EIF4H: variants seen among roughly 807,000 people sequenced by gnomAD.
The protein encoded by EIF4H is Williams-Beuren syndrome chromosome region 1.
A neutral mutation model predicts 30.6 loss-of-function variants in EIF4H; 8 were observed. The observed-to-expected ratio is 0.26, with a 90% CI of 0.15 to 0.47. The LOEUF (loss-of-function observed/expected upper bound fraction) is 0.47. Ranked by LOEUF, EIF4H falls within the 20% of genes least tolerant of loss-of-function variation. EIF4H has a pLI of 0.99. For synonymous variants in EIF4H, 106 were observed against 122.7 expected (o/e 0.86, Z 0.90); for missense variants, 188 against 339.5 (o/e 0.55, Z 3.51).
At chr7:74,180,660 T>C (rs1554708279) in intron 1 of EIF4H, among the ~76,000 whole-genome samples, 5 of 152,224 alleles carry the variant, frequency 3.3e-5, no homozygotes. Context: ...CACTGGAGCC[T>C]ATGAAGAAGA....
chr7:74,187,417 T>C (rs1243754193), intron 1 of EIF4H, among the ~76,000 whole-genome samples, 194 bp from the exon 2 acceptor site: 3 of 152,224 alleles, frequency 2.0e-5, no homozygotes, highest in Non-Finnish European at 2.9e-5. Context: ...GGTGACAGAG[T>C]GACAGTCTGT....
At chr7:74,175,831 A>G in intron 1 of EIF4H, among the ~76,000 whole-genome samples, 1 of 152,084 alleles carries the variant, frequency 6.6e-6, no homozygotes, top group East Asian at 1.9e-4. Flanking sequence ...GGACTACAAT[A>G]AGGTGACCTT....
chr7:74,178,972 A>AG (rs1240965586), intron 1 of EIF4H, among the ~76,000 whole-genome samples: 2 of 145,758 alleles, frequency 1.4e-5, no homozygotes, highest in Non-Finnish European at 2.9e-5. Context: ...GTTCAGGGCT[A>AG]GGGGGGCCGT....
intron 1 of EIF4H, among the ~76,000 whole-genome samples, chr7:74,177,864 C>T (rs1554707908): frequency 6.6e-6 from 1 of 152,216 alleles, no homozygotes; most frequent in African/African-American, 2.4e-5. Context: ...TTCATCAGTT[C>T]AGCCATGTGT....
intron 1 of EIF4H, among the ~76,000 whole-genome samples, chr7:74,185,277 G>A (rs1801056910): frequency 6.6e-6 from 1 of 152,208 alleles, no homozygotes; most frequent in Non-Finnish European, 1.5e-5. Flanking sequence ...ACAGGCATGA[G>A]CCACTGGGCC....
chr7:74,191,448 C>T (rs915576452), intron 5 of EIF4H, among the ~76,000 whole-genome samples: 3 of 152,180 alleles, frequency 2.0e-5, no homozygotes, highest in African/African-American at 4.8e-5. Context: ...ACAGTGAACA[C>T]GGCCATGGCC....
At chr7:74,180,091 G>A (rs932207132) in intron 1 of EIF4H, among the ~76,000 whole-genome samples, 7 of 152,102 alleles carry the variant, frequency 4.6e-5, no homozygotes, top group Non-Finnish European at 8.8e-5. Flanking sequence ...CACCTACTTG[G>A]GAGGCTGAGG....
rs35239215 is a variant in EIF4H at position 74,196,232 on chromosome 7, G to A, written c.*924G>A. 5.2e-5 allele frequency: 8 copies of A among 152,950 alleles called. No individual in the cohort carries two copies. The highest frequency in any genetic ancestry group is 9.6e-5 in the African/African-American group (4 of 41,470). The allele number at this position is 152,950 out of a possible 1,614,324, so 9.5% of individuals were successfully genotyped here. The stretch of plus-strand genomic sequence containing the variant: ...GCACTGGGCTGACTGCGGCGCTGAC[G>A]CAGCGTTTCCCCCCATCCCTGTTGC... On this transcript the variant is annotated 3_prime_UTR_variant, in exon 7 of 7. Transcript: ENST00000265753.
chr7:74,193,311 C>T (rs1418164810), intron 5 of EIF4H, among the ~76,000 whole-genome samples: 1 of 152,226 alleles, frequency 6.6e-6, no homozygotes, highest in Non-Finnish European at 1.5e-5. Context: ...TTTTCTGCCT[C>T]AGCTGGGATC....
intron 1 of EIF4H, among the ~76,000 whole-genome samples, chr7:74,184,746 G>T (rs1801044949): frequency 6.6e-6 from 1 of 151,946 alleles, no homozygotes; most frequent in Non-Finnish European, 1.5e-5. Flanking sequence ...TCGCTCTGTA[G>T]CCCAGGCTGA....
intron 1 of EIF4H, among the ~76,000 whole-genome samples, chr7:74,178,074 G>A (rs1245292083): frequency 6.6e-6 from 1 of 152,020 alleles, no homozygotes; most frequent in Non-Finnish European, 1.5e-5. Flanking sequence ...CCAAGTAGCT[G>A]GGATTACAGG....
At chr7:74,179,625 CTG>C (rs1417414263) in intron 1 of EIF4H, among the ~76,000 whole-genome samples, 2 of 74,916 alleles carry the variant, frequency 2.7e-5, no homozygotes, top group Non-Finnish European at 5.2e-5. Context: ...GGGTGAGACT[CTG>C]TATCAAAAAA....
At chr7:74,179,832 A>G (rs1554708187) in intron 1 of EIF4H, among the ~76,000 whole-genome samples, 1 of 152,202 alleles carries the variant, frequency 6.6e-6, no homozygotes, top group Non-Finnish European at 1.5e-5. Flanking sequence ...GTCTCTGAGT[A>G]TTGAAAGACT....
chr7:74,181,218 A>G (rs781856662), intron 1 of EIF4H, among the ~76,000 whole-genome samples: 1 of 152,118 alleles, frequency 6.6e-6, no homozygotes, highest in South Asian at 2.1e-4. Flanking sequence ...TGTTACATCT[A>G]TCTTCCCTAC....
intron 1 of EIF4H, among the ~76,000 whole-genome samples, chr7:74,184,295 C>G (rs1554708875): frequency 6.6e-6 from 1 of 152,182 alleles, no homozygotes; most frequent in Non-Finnish European, 1.5e-5. Context: ...CTGGCCTGAT[C>G]TCAGTTCCAC....
intron 1 of EIF4H, among the ~76,000 whole-genome samples, chr7:74,179,544 A>G (rs1800910912): frequency 6.6e-6 from 1 of 151,924 alleles, no homozygotes; most frequent in South Asian, 2.1e-4. Context: ...AAGCCATAGA[A>G]TCACTTGAAC....
In EIF4H at chr7:74,184,941, G is replaced by A. The variant is rs1801048998; in HGVS notation, c.60-2670G>A. On this transcript the variant is annotated intron_variant, in intron 1 of 6. Coordinates refer to ENST00000265753, the MANE Select transcript of EIF4H (RefSeq NM_022170.2). ...AGTGATCCACCCACCTTGACCTCCC[G>A]AAGTGCTGGGATTACAGGTATGAGC... Among the ~76,000 whole-genome samples, 8 of 151,722 alleles carry A rather than the reference G, an allele frequency of 5.3e-5. 1 individual carries two copies. In the South Asian group the frequency reaches 1.5e-3, roughly 28 times the overall value.
chr7:74,182,985 C>A (rs1345870475), intron 1 of EIF4H, among the ~76,000 whole-genome samples: 6 of 152,156 alleles, frequency 3.9e-5, no homozygotes, highest in Non-Finnish European at 8.8e-5. Context: ...TTTCTGCAGT[C>A]CTTTGCTTGT....
At position 74,196,531 on chromosome 7, in the gene EIF4H, G is replaced by C. The variant is rs1554710800; in HGVS notation, c.*1223G>C. ...TGGGAGTGCTAGGGGTTAGGCTTTTGAGCTTGAACGCCTGCGTGTGAACAG... is the reference window on the plus strand; with the variant it reads ...TGGGAGTGCTAGGGGTTAGGCTTTTCAGCTTGAACGCCTGCGTGTGAACAG... On this transcript the variant is annotated 3_prime_UTR_variant, in exon 7 of 7. Coordinates refer to ENST00000265753, the MANE Select transcript of EIF4H (RefSeq NM_022170.2). 1 of 152,224 alleles carries C rather than the reference G, an allele frequency of 6.6e-6. No homozygotes were observed. Among genetic ancestry groups the C allele is most frequent in the Non-Finnish European group, 1.5e-5 (1 of 68,046 alleles). The allele number at this position is 152,224 out of a possible 1,614,324, so 9.4% of individuals were successfully genotyped here.
Sources: allele counts gnomAD v4.1 joint callset (sites outside exome capture counted in the v4.1 genomes callset), GRCh38; gene constraint gnomAD v4.1.1; transcripts MANE v1.5; gene names NCBI Gene and HGNC (gene_info 2026-07-23, HGNC 2026-07-21).